The following FBXO16 variants were observed in gnomAD, a reference collection of about 807,000 sequenced individuals.
The protein encoded by FBXO16 is F-box protein 16, also known as F-box only protein 16.
Under a neutral mutation model 41.0 loss-of-function variants are expected in FBXO16, and 31 were observed. That is an observed-to-expected ratio of 0.76 (90% CI 0.57 to 1.02). The LOEUF is 1.02. Among genes scored for constraint, FBXO16 ranks in the 50% least tolerant of loss-of-function variants. FBXO16 has a pLI of 0.00. For synonymous variants in FBXO16, 133 were observed against 117.8 expected, an observed-to-expected ratio of 1.13 and a Z score of -0.84; for missense variants, 361 against 346.2, an observed-to-expected ratio of 1.04 and a Z score of -0.34.
At position 28,452,442 on chromosome 8, in the gene FBXO16, ACGT is replaced by A; in HGVS notation, c.539_541del (p.Asp180del). On this transcript the variant is annotated inframe_deletion, in exon 6 of 9. Coordinates refer to ENST00000380254, the MANE Select transcript of FBXO16 (RefSeq NM_172366.4). Reference sequence around the variant, plus strand: ...TGGAGAATTGCTTGTAACTAGTTGAACGTCAGCGATTACAAATCCATCCTTTGG... The same window carrying A: ...TGGAGAATTGCTTGTAACTAGTTGAACAGCGATTACAAATCCATCCTTTGG... 1 of 1,614,128 alleles carries A rather than the reference ACGT, an allele frequency of 6.2e-7. No homozygotes were observed. Among genetic ancestry groups the A allele is most frequent in the Non-Finnish European group, 8.5e-7 (1 of 1,180,038 alleles).
chr8:28,451,502 G>A (rs1802953030), intron 6 of FBXO16, among the ~76,000 whole-genome samples: 1 of 150,266 alleles, frequency 6.7e-6, no homozygotes, highest in African/African-American at 2.4e-5. Flanking sequence ...CATGATTACC[G>A]ACACATGCCA....
intron 2 of FBXO16, among the ~76,000 whole-genome samples, chr8:28,476,415 T>A (rs1467825323): frequency 6.6e-6 from 1 of 152,204 alleles, no homozygotes; most frequent in Non-Finnish European, 1.5e-5. Flanking sequence ...GACATATCAT[T>A]TTGGGCAGAT....
intron 1 of FBXO16, among the ~76,000 whole-genome samples, chr8:28,484,747 A>G (rs1803574492): frequency 6.6e-6 from 1 of 150,876 alleles, no homozygotes; most frequent in Non-Finnish European, 1.5e-5. Context: ...GCCCGCCATC[A>G]CGCCCAGCTA....
intron 7 of FBXO16, among the ~76,000 whole-genome samples, chr8:28,440,384 C>A (rs1802752528): frequency 6.6e-6 from 1 of 152,132 alleles, no homozygotes; most frequent in Admixed American, 6.6e-5. Context: ...GGTTTCCCAG[C>A]CACTGGACCC....
intron 7 of FBXO16, among the ~76,000 whole-genome samples, chr8:28,432,343 G>A (rs143741667): frequency 4.0e-5 from 6 of 151,876 alleles, no homozygotes; most frequent in African/African-American, 9.7e-5. Context: ...GCGTGGTGGC[G>A]GGTGCCTGTA....
chr8:28,483,268 A>C, intron 2 of FBXO16, 80 bp downstream of exon 2: 1 of 1,263,806 alleles, frequency 7.9e-7, no homozygotes, highest in Middle Eastern at 1.9e-4. Context: ...ATCCCTGTTC[A>C]TATTTTGGTA....
chr8:28,486,287 C>T (rs1380813329), intron 1 of FBXO16, among the ~76,000 whole-genome samples: 1 of 148,640 alleles, frequency 6.7e-6, no homozygotes, highest in Non-Finnish European at 1.5e-5. Context: ...TGCAATGGTG[C>T]GATCTTGGCT....
chr8:28,431,120 T>C (rs1802599217), intron 7 of FBXO16, among the ~76,000 whole-genome samples: 1 of 152,206 alleles, frequency 6.6e-6, no homozygotes, highest in African/African-American at 2.4e-5. Flanking sequence ...TGTCACTGCA[T>C]TTGCAAAACC....
At chr8:28,449,399 G>A (rs1252666429) in intron 6 of FBXO16, among the ~76,000 whole-genome samples, 4 of 138,866 alleles carry the variant, frequency 2.9e-5, no homozygotes, top group African/African-American at 1.1e-4. Flanking sequence ...ATGGCTCATT[G>A]CAGCCTCCAC....
intron 7 of FBXO16, among the ~76,000 whole-genome samples, chr8:28,445,809 A>G (rs985682951): frequency 1.1e-4 from 17 of 152,162 alleles, no homozygotes; most frequent in Non-Finnish European, 2.4e-4. Context: ...AAAGTAATAG[A>G]GCTTTAAAGC....
chr8:28,475,237 T>C (rs1459809960), intron 2 of FBXO16, among the ~76,000 whole-genome samples: 2 of 152,194 alleles, frequency 1.3e-5, no homozygotes, highest in Non-Finnish European at 2.9e-5. Context: ...CTTTTTTAAC[T>C]CTCAAGCTCT....
intron 3 of FBXO16, among the ~76,000 whole-genome samples, chr8:28,468,105 C>A (rs1304190426): frequency 6.6e-6 from 1 of 152,080 alleles, no homozygotes; most frequent in Non-Finnish European, 1.5e-5. Flanking sequence ...CAGTTATCCC[C>A]CACGTCTCTT....
At chr8:28,484,126 G>A (rs1174853920) in intron 1 of FBXO16, among the ~76,000 whole-genome samples, 1 of 152,130 alleles carries the variant, frequency 6.6e-6, no homozygotes, top group Non-Finnish European at 1.5e-5. Flanking sequence ...GACTCTGGGG[G>A]GAAATCCAGA....
At position 28,449,980 on chromosome 8, in the gene FBXO16, GA is replaced by G. The variant is rs1278726556; in HGVS notation, c.740+2263del. On this transcript the variant is annotated intron_variant, in intron 6 of 8. Transcript: ENST00000380254. Reference sequence around the variant, plus strand: ...GAGCAAGACTGTCTCAAAAAAAAAAGAAAAAAAAAAAAAAAGAAGGGCGATT... The same window carrying G: ...GAGCAAGACTGTCTCAAAAAAAAAAGAAAAAAAAAAAAAAGAAGGGCGATT... Among the ~76,000 whole-genome samples, 626 of 82,338 alleles carry G rather than the reference GA, an allele frequency of 7.6e-3. 9 individuals are homozygous for G. The highest frequency in any genetic ancestry group is 0.025 in the Middle Eastern group (4 of 158). 54.0% of individuals were successfully genotyped at this position (82,338 alleles called of 152,430 possible).
At chr8:28,485,234 G>A (rs377337716) in intron 1 of FBXO16, among the ~76,000 whole-genome samples, 6 of 152,086 alleles carry the variant, frequency 3.9e-5, no homozygotes, top group East Asian at 1.9e-4. Flanking sequence ...GTACAGTGGT[G>A]CAGACATGGC....
Position 28,463,773 on chromosome 8 carries a change from G to A in FBXO16, c.181C>T (p.Leu61=). The A allele has an allele frequency of 6.2e-7, 1 of 1,614,080 alleles. No homozygotes were observed. ...TGGGACAGCGAGCAGCGCTCCAACA[G>A]GCCTGTGAGGATTCTTCTTCTTTGA... ...DSQRRRILTG[L]LERCSLSQQK... Residue 61 remains leucine (L), a synonymous_variant, in exon 4 of 9, where the codon CTG becomes TTG. Coordinates refer to ENST00000380254, the MANE Select transcript of FBXO16 (RefSeq NM_172366.4).
At chr8:28,472,060 T>C (rs1803345254) in intron 3 of FBXO16, among the ~76,000 whole-genome samples, 1 of 152,166 alleles carries the variant, frequency 6.6e-6, no homozygotes, top group Non-Finnish European at 1.5e-5. Context: ...GTTACTAAGC[T>C]ACTGTCCCCC....
intron 4 of FBXO16, among the ~76,000 whole-genome samples, chr8:28,459,374 T>C (rs1803087041): frequency 6.6e-6 from 1 of 151,948 alleles, no homozygotes; most frequent in African/African-American, 2.4e-5. Context: ...TCCCAGCACT[T>C]TGAGAGGCCA....
chr8:28,455,081 ATTT>A (rs111415524), intron 5 of FBXO16, among the ~76,000 whole-genome samples: 1 of 144,436 alleles, frequency 6.9e-6, no homozygotes. Flanking sequence ...AATTACATTG[ATTT>A]TTTTTTTTTT....
Sources: allele counts gnomAD v4.1 joint callset (sites outside exome capture counted in the v4.1 genomes callset), GRCh38; gene constraint gnomAD v4.1.1; transcripts MANE v1.5; gene names NCBI Gene and HGNC (gene_info 2026-07-23, HGNC 2026-07-21).